STK24: variants seen among roughly 807,000 people sequenced by gnomAD.
The protein encoded by STK24 is serine/threonine kinase 24, also known as serine/threonine-protein kinase 24.
STK24 carries 21 observed loss-of-function variants against 55.6 expected under a neutral mutation model. That is an observed-to-expected ratio of 0.38 (90% CI 0.27 to 0.54). The LOEUF is 0.54. Among genes scored for constraint, STK24 ranks in the 20% least tolerant of loss-of-function variants. The pLI is 0.79. For synonymous variants in STK24, 200 were observed against 215.2 expected, an observed-to-expected ratio of 0.93 and a Z score of 0.62; for missense variants, 383 against 538.4, an observed-to-expected ratio of 0.71 and a Z score of 2.86.
chr13:98,482,194 T>C, intron 3 of STK24, 71 bp downstream of exon 3: 2 of 834,160 alleles, frequency 2.4e-6, no homozygotes, highest in South Asian at 2.0e-5. Flanking sequence ...ATACATGCAA[T>C]GGATTCTTTA....
chr13:98,457,525 A>G (rs1893519159), intron 9 of STK24, among the ~76,000 whole-genome samples: 2 of 144,896 alleles, frequency 1.4e-5, no homozygotes, highest in Non-Finnish European at 3.0e-5. Context: ...GCTGGAGTAC[A>G]GTGGCGTGAT....
chr13:98,463,952 T>C, intron 6 of STK24, 116 bp from the exon 7 acceptor site: 3 of 1,220,884 alleles, frequency 2.5e-6, no homozygotes, highest in Non-Finnish European at 3.5e-6. Context: ...GGCTGGACTC[T>C]CTACTCCACA....
chr13:98,551,977 C>T (rs567510321), intron 1 of STK24, among the ~76,000 whole-genome samples: 4 of 152,010 alleles, frequency 2.6e-5, no homozygotes, highest in East Asian at 1.9e-4. Flanking sequence ...GGACCTGCTG[C>T]GATAAGGAAG....
chr13:98,489,838 C>T (rs548866266), intron 2 of STK24, among the ~76,000 whole-genome samples: 1 of 152,090 alleles, frequency 6.6e-6, no homozygotes, highest in African/African-American at 2.4e-5. Flanking sequence ...GGGAAGTCAG[C>T]GAAACTTGTG....
chr13:98,470,423 G>C (rs1012961307), intron 5 of STK24, among the ~76,000 whole-genome samples: 1 of 152,222 alleles, frequency 6.6e-6, no homozygotes, highest in Non-Finnish European at 1.5e-5. Context: ...GAGCCACTGT[G>C]CCTGGCCTAT....
At chr13:98,498,216 C>T (rs1197730533) in intron 2 of STK24, among the ~76,000 whole-genome samples, 1 of 152,256 alleles carries the variant, frequency 6.6e-6, no homozygotes, top group Non-Finnish European at 1.5e-5. Context: ...TAAGTTAACT[C>T]TGTGTATGAT....
In STK24 at chr13:98,445,740, C is replaced by A; in HGVS notation, c.*7433G>T. ...GGCTCTTCTCCTCAGGACACCACTCCCGTTGGATTTAGGGCCCACCCTACC... is the reference window on the plus strand; with the variant it reads ...GGCTCTTCTCCTCAGGACACCACTCACGTTGGATTTAGGGCCCACCCTACC... On this transcript the variant is annotated 3_prime_UTR_variant, in exon 11 of 11. Transcript: ENST00000539966. The A allele has an allele frequency of 5.9e-6, 1 of 169,534 alleles. No homozygotes were observed. Among genetic ancestry groups the A allele is most frequent in the Non-Finnish European group, 1.3e-5 (1 of 78,584 alleles). 10.5% of individuals were successfully genotyped at this position (169,534 alleles called of 1,614,324 possible).
chr13:98,554,810 T>C (rs9556971), intron 1 of STK24, among the ~76,000 whole-genome samples: 39,397 of 151,552 alleles, frequency 0.26, 6,016 homozygotes, highest in East Asian at 0.41. Context: ...AGGTCAGGAG[T>C]TCGAGACTAG....
intron 1 of STK24, among the ~76,000 whole-genome samples, chr13:98,555,480 G>A (rs1173090346): frequency 6.6e-6 from 1 of 151,760 alleles, no homozygotes; most frequent in East Asian, 2.0e-4. Flanking sequence ...TCGGGAGGCT[G>A]AGGCAGCAGA....
At chr13:98,480,410 T>C (rs987083882) in intron 3 of STK24, among the ~76,000 whole-genome samples, 2 of 152,226 alleles carry the variant, frequency 1.3e-5, no homozygotes, top group African/African-American at 2.4e-5. Context: ...TTACATAAAA[T>C]GAGGTAATTT....
At chr13:98,496,419 GCTA>G (rs1895253847) in intron 2 of STK24, among the ~76,000 whole-genome samples, 1 of 152,296 alleles carries the variant, frequency 6.6e-6, no homozygotes, top group South Asian at 2.1e-4. Flanking sequence ...AGGGCGTGAG[GCTA>G]CTGAGCAAAG....
At position 98,576,822 on chromosome 13, in the gene STK24, C is replaced by A; in HGVS notation, c.-36G>T. The A allele has an allele frequency of 5.6e-6, 7 of 1,246,702 alleles. No homozygotes were observed. The highest frequency in any genetic ancestry group is 6.1e-6 in the Non-Finnish European group (6 of 991,506). The allele number at this position is 1,246,702 out of a possible 1,614,324, so 77.2% of individuals were successfully genotyped here. ...ACGGCCACTTCCTGGGACGGGACGG[C>A]CGGGCCGCGACGATCCGCGCGGGGC... On this transcript the variant is annotated 5_prime_UTR_variant, in exon 1 of 11. Coordinates refer to ENST00000539966, the MANE Select transcript of STK24 (RefSeq NM_001032296.4).
intron 1 of STK24, among the ~76,000 whole-genome samples, chr13:98,531,804 C>A (rs1338313237): frequency 1.3e-5 from 2 of 152,118 alleles, no homozygotes; most frequent in Non-Finnish European, 2.9e-5. Flanking sequence ...CGATGCCTAT[C>A]GTCCCCACAA....
chr13:98,456,536 A>T (rs1377597851), intron 10 of STK24: 1 of 513,692 alleles, frequency 1.9e-6, no homozygotes, highest in Non-Finnish European at 4.0e-6. Flanking sequence ...GGCAGTCAGG[A>T]GGGGCTTGGT....
rs1194241149 is a variant in STK24 at position 98,449,087 on chromosome 13, A to C, written c.*4086T>G. ...GAGTGGTGTACACAATGGGAAGATAATAAGCCGTGGTGTTTTGCTGTCTGT... is the reference window on the plus strand; with the variant it reads ...GAGTGGTGTACACAATGGGAAGATACTAAGCCGTGGTGTTTTGCTGTCTGT... On this transcript the variant is annotated 3_prime_UTR_variant, in exon 11 of 11. Coordinates refer to ENST00000539966, the MANE Select transcript of STK24 (RefSeq NM_001032296.4). The C allele has an allele frequency of 1.3e-5, 2 of 152,212 alleles. No individual in the cohort carries two copies. The highest frequency in any genetic ancestry group is 6.5e-5 in the Admixed American group (1 of 15,282). 9.4% of individuals were successfully genotyped at this position (152,212 alleles called of 1,614,324 possible). A position where few individuals can be genotyped will look rare whatever the true frequency, so the allele number is the denominator to read the frequency against.
chr13:98,534,509 A>G lies in STK24; in HGVS notation c.43-15036T>C, dbSNP rs115917205. Among the ~76,000 whole-genome samples the G allele has an allele frequency of 8.5e-3, 1,297 of 152,300 alleles. 25 individuals are homozygous for G. Among genetic ancestry groups the G allele is most frequent in the African/African-American group, 0.029 (1,194 of 41,544 alleles). ...CTATACTACCTTTGTAAGGCTAACA[A>G]ATTAGCTACAAGATTAGAAATTATG... On this transcript the variant is annotated intron_variant, in intron 1 of 10. Transcript: ENST00000539966.
intron 2 of STK24, among the ~76,000 whole-genome samples, chr13:98,491,442 G>A (rs755343766): frequency 4.6e-5 from 7 of 152,282 alleles, no homozygotes; most frequent in Middle Eastern, 3.4e-3. Flanking sequence ...TGGGAGAAAG[G>A]CCGCTGTAAC....
chr13:98,466,312 G>C (rs1893924639), intron 6 of STK24, 64 bp downstream of exon 6: 1 of 1,531,376 alleles, frequency 6.5e-7, no homozygotes, highest in African/African-American at 1.4e-5. Flanking sequence ...AATCCCAACA[G>C]GATGTATCTC....
intron 1 of STK24, among the ~76,000 whole-genome samples, chr13:98,524,848 C>G (rs527998507): frequency 6.6e-6 from 1 of 152,216 alleles, no homozygotes; most frequent in East Asian, 1.9e-4. Context: ...TACTATTGTC[C>G]CAAAAGACGT....
Sources: allele counts gnomAD v4.1 joint callset (sites outside exome capture counted in the v4.1 genomes callset), GRCh38; gene constraint gnomAD v4.1.1; transcripts MANE v1.5; gene names NCBI Gene and HGNC (gene_info 2026-07-23, HGNC 2026-07-21).